The following CHAT variants were observed in gnomAD, a reference collection of about 807,000 sequenced individuals.
CHAT encodes acetyl CoA:choline O-acetyltransferase.
In CHAT, 61 loss-of-function variants were observed where a neutral mutation model predicts 76.9. The ratio of observed to expected loss-of-function variants is 0.79; its 90% CI spans 0.65 to 0.98. The LOEUF (loss-of-function observed/expected upper bound fraction) is 0.98. Among genes scored for constraint, CHAT ranks in the 50% least tolerant of loss-of-function variants. The probability of loss-of-function intolerance (pLI) is 0.00; values close to 1 mark genes in which losing one functional copy is unlikely to be tolerated. For missense variants in CHAT, 946 were observed against 986.9 expected, an observed-to-expected ratio of 0.96 and a Z score of 0.56; for synonymous variants, 407 against 397.4, an observed-to-expected ratio of 1.02 and a Z score of -0.29.
chr10:49,619,779 C>A lies in CHAT; in HGVS notation c.442C>A (p.Gln148Lys), dbSNP rs555796797. Residue 148 changes from glutamine to lysine, a missense_variant, in exon 3 of 15, where the codon CAG becomes AAG. Coordinates refer to ENST00000337653, the MANE Select transcript of CHAT (RefSeq NM_020549.5). ...PLQQTLATYL[Q>K]CMRHLVSEEQ... ...GCAGCAGACCCTGGCCACGTACCTG[C>A]AGTGCATGCGACACTTGGTGTCTGA... is the stretch of plus-strand genomic sequence containing the variant. The A allele has an allele frequency of 1.2e-6, 2 of 1,614,076 alleles. No homozygotes were observed. The highest frequency in any genetic ancestry group is 1.1e-5 in the South Asian group (1 of 91,082).
At chr10:49,616,737 A>G (rs1838511662) in intron 2 of CHAT, 135 bp downstream of exon 2, 12 of 716,868 alleles carry the variant, frequency 1.7e-5, no homozygotes, top group Admixed American at 2.0e-5. Flanking sequence ...CACAAGGCCC[A>G]GGCTACAGCT....
chr10:49,637,009 C>T (rs1839315762), intron 7 of CHAT, among the ~76,000 whole-genome samples: 1 of 150,802 alleles, frequency 6.6e-6, no homozygotes, highest in South Asian at 2.1e-4. Context: ...TGTTTCATTC[C>T]TGATATTGGT....
At position 49,648,611 on chromosome 10, in the gene CHAT, A is replaced by T; in HGVS notation, c.1382+4A>T. 6.2e-7 allele frequency: 1 copy of T among 1,602,714 alleles called. No homozygotes were observed. Among genetic ancestry groups the T allele is most frequent in the Non-Finnish European group, 8.5e-7 (1 of 1,170,746 alleles). On this transcript the variant is annotated splice_donor_region_variant and intron_variant, in intron 9 of 14. Transcript: ENST00000337653. ...CTGAGCATCTGCTCAAGCACGTGTG[A>T]GTCTGGATCCCAGGGCTGCCATGCT...
rs1840353075 is a variant in CHAT at position 49,666,993 on chromosome 10, GGC to G, written c.*1948_*1949del. 6.6e-6 allele frequency among the ~76,000 whole-genome samples: 1 copy of G among 152,218 alleles called. No homozygotes were observed. The highest frequency in any genetic ancestry group is 2.1e-4 in the South Asian group (1 of 4,830). ...ACATAGAGCTCCAGCTATGGGGCCA[GGC>G]AGCCCCACCAACCTCGGCCAAATGA... On this transcript the variant is annotated 3_prime_UTR_variant, in exon 15 of 15. Coordinates refer to ENST00000337653, the MANE Select transcript of CHAT (RefSeq NM_020549.5).
chr10:49,637,040 C>CTT (rs534812454), intron 7 of CHAT, among the ~76,000 whole-genome samples: 41 of 144,164 alleles, frequency 2.8e-4, no homozygotes, highest in African/African-American at 9.6e-4. Flanking sequence ...TTCTCCCTCT[C>CTT]TTTTTTTTTT....
chr10:49,626,374 C>G (rs1838922451), intron 6 of CHAT, among the ~76,000 whole-genome samples: 2 of 152,314 alleles, frequency 1.3e-5, no homozygotes, highest in East Asian at 1.9e-4. Context: ...CTCTGACAAA[C>G]AGTTTTGTTT....
chr10:49,610,616 A>G, upstream of CHAT: 1 of 943,636 alleles, frequency 1.1e-6, no homozygotes, highest in Non-Finnish European at 1.5e-6. Context: ...CGGCCACCTG[A>G]GGCACAGGGG....
intron 13 of CHAT, among the ~76,000 whole-genome samples, chr10:49,657,830 G>C (rs1279107637): frequency 6.6e-6 from 1 of 152,200 alleles, no homozygotes; most frequent in Admixed American, 6.5e-5. Context: ...AAAGAGCCTA[G>C]TCAGCAGATG....
intron 10 of CHAT, among the ~76,000 whole-genome samples, chr10:49,651,578 A>C (rs912923243): frequency 6.6e-6 from 1 of 152,228 alleles, no homozygotes; most frequent in Non-Finnish European, 1.5e-5. Flanking sequence ...CACCTGTGTC[A>C]CAGTTAATCC....
At chr10:49,651,648 C>T (rs1839882592) in intron 10 of CHAT, 2 of 514,300 alleles carry the variant, frequency 3.9e-6, no homozygotes, top group Non-Finnish European at 7.0e-6. Flanking sequence ...AGGGCCGACA[C>T]CCCACTCAGC....
intron 10 of CHAT, 108 bp downstream of exon 10, chr10:49,649,744 C>T (rs1224493069): frequency 6.6e-6 from 8 of 1,210,964 alleles, no homozygotes; most frequent in Non-Finnish European, 9.8e-6. Flanking sequence ...AGCTCCTCTG[C>T]CTCTCCTTGG....
chr10:49,664,955 G>C lies in CHAT; in HGVS notation c.2156G>C (p.Arg719Thr), dbSNP rs1424868051. The change falls in exon 15 of 15, where the codon AGA becomes ACA. Residue 719 changes from arginine to threonine, a missense_variant. Transcript: ENST00000337653. ...GTGGAAGAAAGCCTCATTGACATGA[G>C]AGACCTCTGCAGTCTGCTGCCGCCT... ...KAVEESLIDM[R>T]DLCSLLPPTE... The C allele has an allele frequency of 6.2e-7, 1 of 1,614,242 alleles. No individual in the cohort carries two copies. The highest frequency in any genetic ancestry group is 8.5e-7 in the Non-Finnish European group (1 of 1,180,050).
intron 7 of CHAT, among the ~76,000 whole-genome samples, chr10:49,640,506 G>A (rs144487052): frequency 0.012 from 1,877 of 150,826 alleles, 14 homozygotes; most frequent in Non-Finnish European, 0.019. Flanking sequence ...AGGGTTGGGG[G>A]GTGGAAGTTC....
intron 13 of CHAT, among the ~76,000 whole-genome samples, chr10:49,658,482 T>C (rs1248613469): frequency 2.6e-5 from 4 of 151,976 alleles, no homozygotes; most frequent in Admixed American, 2.6e-4. Flanking sequence ...CACGTCATTG[T>C]ACTTCAGTCT....
At chr10:49,660,777 A>C (rs1325384415) in intron 13 of CHAT, among the ~76,000 whole-genome samples, 1 of 152,190 alleles carries the variant, frequency 6.6e-6, no homozygotes, top group Admixed American at 6.5e-5. Context: ...AACCAAATCA[A>C]AGAGATGGGT....
intron 14 of CHAT, among the ~76,000 whole-genome samples, chr10:49,663,338 C>T (rs1434685394): frequency 1.3e-5 from 2 of 152,164 alleles, no homozygotes; most frequent in African/African-American, 2.4e-5. Flanking sequence ...CATTCTGGTG[C>T]CCTAACCATT....
rs1839685672 is a variant in CHAT at position 49,646,798 on chromosome 10, G to C, written c.1281+124G>C. 1.1e-5 allele frequency: 12 copies of C among 1,110,860 alleles called. No individual in the cohort carries two copies. The South Asian group carries it at 1.6e-4, about 15-fold the overall frequency. The allele number at this position is 1,110,860 out of a possible 1,614,324, so 68.8% of individuals were successfully genotyped here. Reference sequence around the variant, plus strand: ...TTGTGTCTGGCAGGCGCACTCACTGGTTTCTGCTGCCTAAGAGGCTGGGTC... The same window carrying C: ...TTGTGTCTGGCAGGCGCACTCACTGCTTTCTGCTGCCTAAGAGGCTGGGTC... On this transcript the variant is annotated intron_variant, in intron 8 of 14. Coordinates refer to ENST00000337653, the MANE Select transcript of CHAT (RefSeq NM_020549.5).
chr10:49,627,829 C>A lies in CHAT; in HGVS notation c.1111+44C>A, dbSNP rs549111308. On this transcript the variant is annotated intron_variant, in intron 7 of 14. Transcript: ENST00000337653. ...CACATCTCCATGCCCATCTCATGCT[C>A]GTGCCCATTGGCTTTCCCTCCTCTA... is the stretch of plus-strand genomic sequence containing the variant. 8.1e-6 allele frequency: 13 copies of A among 1,596,822 alleles called. No individual in the cohort carries two copies. In the East Asian group the frequency reaches 2.9e-4, roughly 36 times the overall value.
chr10:49,646,197 T>G (rs1336964938), intron 7 of CHAT, among the ~76,000 whole-genome samples: 3 of 152,204 alleles, frequency 2.0e-5, no homozygotes, highest in Non-Finnish European at 4.4e-5. Context: ...AGCATCCCGC[T>G]TCATCTTGGC....
Sources: gnomAD v4.1 joint callset for allele counts (sites outside exome capture counted in the v4.1 genomes callset) on GRCh38, gnomAD v4.1.1 for gene constraint, MANE v1.5 for transcripts, NCBI Gene and HGNC (gene_info 2026-07-23, HGNC 2026-07-21) for gene names.